INPP4B: variants seen among roughly 807,000 people sequenced by gnomAD.
INPP4B encodes the protein inositol polyphosphate-4-phosphatase type II B.
Under a neutral mutation model 122.5 loss-of-function variants are expected in INPP4B, and 55 were observed. That is an observed-to-expected ratio of 0.45 (90% CI 0.36 to 0.56). The LOEUF is 0.56. Among genes scored for constraint, INPP4B ranks in the 20% least tolerant of loss-of-function variants. The pLI, the probability that INPP4B is intolerant of heterozygous loss-of-function variation, is 0.00. For synonymous variants in INPP4B, 403 were observed against 388.7 expected (o/e 1.04, Z -0.43); for missense variants, 1,000 against 1,097.7 (o/e 0.91, Z 1.26).
chr4:142,845,768 A>T (rs1784113447), intron 1 of INPP4B, among the ~76,000 whole-genome samples: 1 of 152,066 alleles, frequency 6.6e-6, no homozygotes, highest in East Asian at 2.0e-4. Flanking sequence ...GCTTGCGATC[A>T]TCAGGATTGG....
intron 9 of INPP4B, among the ~76,000 whole-genome samples, chr4:142,290,422 G>C (rs967465477): frequency 1.3e-5 from 2 of 151,704 alleles, no homozygotes; most frequent in Admixed American, 6.6e-5. Flanking sequence ...TGGTCAGGCT[G>C]GTCGTGAACT....
Position 142,723,921 on chromosome 4 carries a change from T to C in INPP4B, c.-191+1918A>G, listed in dbSNP as rs142529696. On this transcript the variant is annotated intron_variant, in intron 2 of 25. Transcript: ENST00000262992. ...GGACCAGCCCAGAAAGATAATGACA[T>C]AAACGTCATTTCTCCTGGCCATAGT... Among the ~76,000 whole-genome samples, 22 of 152,188 alleles carry C rather than the reference T, an allele frequency of 1.4e-4. No homozygotes were observed. The East Asian group carries it at 4.1e-3, about 28-fold the overall frequency.
chr4:142,648,562 C>T (rs1277779247), intron 2 of INPP4B, among the ~76,000 whole-genome samples: 1 of 152,198 alleles, frequency 6.6e-6, no homozygotes, highest in African/African-American at 2.4e-5. Flanking sequence ...AAACCTTAAT[C>T]ACTGCCAGTG....
intron 9 of INPP4B, among the ~76,000 whole-genome samples, chr4:142,295,335 C>T (rs1758215065): frequency 6.6e-6 from 1 of 152,066 alleles, no homozygotes; most frequent in East Asian, 1.9e-4. Context: ...CTGTCAATGA[C>T]TGTGGATGGG....
intron 2 of INPP4B, among the ~76,000 whole-genome samples, chr4:142,722,435 C>A (rs4690700): frequency 0.74 from 112,240 of 152,068 alleles, 41,554 homozygotes; most frequent in East Asian, 0.84. Context: ...TGATGGAAGA[C>A]CTTGAACAGT....
chr4:142,278,257 A>G (rs984916434), intron 9 of INPP4B, among the ~76,000 whole-genome samples: 5 of 151,916 alleles, frequency 3.3e-5, no homozygotes, highest in Non-Finnish European at 7.4e-5. Context: ...AATCTTAAAT[A>G]TCATTGAACC....
At chr4:142,444,517 G>A (rs1812487005) in intron 3 of INPP4B, among the ~76,000 whole-genome samples, 1 of 152,040 alleles carries the variant, frequency 6.6e-6, no homozygotes, top group Non-Finnish European at 1.5e-5. Flanking sequence ...ACAGATGCTG[G>A]AGAGGATGAA....
At chr4:142,054,670 C>A (rs1756630056) in intron 25 of INPP4B, among the ~76,000 whole-genome samples, 1 of 151,636 alleles carries the variant, frequency 6.6e-6, no homozygotes, top group South Asian at 2.1e-4. Context: ...TTAATATTTT[C>A]TGATCAATTG....
chr4:142,806,796 A>AAAG (rs1778873214), intron 1 of INPP4B, among the ~76,000 whole-genome samples: 1 of 141,094 alleles, frequency 7.1e-6, no homozygotes, highest in African/African-American at 2.7e-5. Context: ...GGAAAGAAAG[A>AAAG]AAGAAAGAAA....
chr4:142,028,656 G>T lies in INPP4B; in HGVS notation c.*126C>A. 2.1e-6 allele frequency: 2 copies of T among 931,198 alleles called. No individual in the cohort carries two copies. The highest frequency in any genetic ancestry group is 3.2e-6 in the Non-Finnish European group (2 of 620,926). The allele number at this position is 931,198 out of a possible 1,614,324, so 57.7% of individuals were successfully genotyped here. On this transcript the variant is annotated 3_prime_UTR_variant, in exon 26 of 26. Transcript: ENST00000262992. Reference sequence around the variant, plus strand: ...TGAATTGAAGTAGTTCCTAGATTTTGGGAAACATCTGTGATCATCTCCCCC... The same window carrying T: ...TGAATTGAAGTAGTTCCTAGATTTTTGGAAACATCTGTGATCATCTCCCCC...
chr4:142,394,899 C>A (rs1011512946), intron 7 of INPP4B, among the ~76,000 whole-genome samples: 2 of 152,152 alleles, frequency 1.3e-5, no homozygotes, highest in African/African-American at 4.8e-5. Context: ...TGTGACAGAA[C>A]TTTTCCCCCA....
At chr4:142,253,529 T>C (rs892384223) in intron 11 of INPP4B, among the ~76,000 whole-genome samples, 6 of 152,194 alleles carry the variant, frequency 3.9e-5, no homozygotes, top group Non-Finnish European at 8.8e-5. Flanking sequence ...GGGCGAGGCA[T>C]TGCCTCACTC....
At chr4:142,601,562 T>G (rs1009573788) in intron 2 of INPP4B, among the ~76,000 whole-genome samples, 1 of 143,248 alleles carries the variant, frequency 7.0e-6, no homozygotes, top group Non-Finnish European at 1.5e-5. Context: ...GACAAGTTTA[T>G]AGCAATAAAC....
chr4:142,383,988 G>C, intron 7 of INPP4B: 1 of 672,558 alleles, frequency 1.5e-6, no homozygotes, highest in Admixed American at 2.1e-5. Flanking sequence ...AGAAGCTCAT[G>C]TGATGTCTTG....
intron 9 of INPP4B, among the ~76,000 whole-genome samples, chr4:142,298,706 AGAT>A (rs1388715908): frequency 2.0e-5 from 3 of 149,414 alleles, no homozygotes; most frequent in Non-Finnish European, 3.0e-5. Context: ...AAAAAAAAAA[AGAT>A]AATAATAATT....
chr4:142,146,653 C>T (rs1036847344), intron 17 of INPP4B, among the ~76,000 whole-genome samples: 1 of 152,130 alleles, frequency 6.6e-6, no homozygotes, highest in African/African-American at 2.4e-5. Context: ...CCACTTCTAA[C>T]AGAACAGCCC....
chr4:142,816,406 T>A (rs1410896463), intron 1 of INPP4B, among the ~76,000 whole-genome samples: 1 of 152,124 alleles, frequency 6.6e-6, no homozygotes, highest in African/African-American at 2.4e-5. Flanking sequence ...TAGGAAAAGT[T>A]AAGAGTTAGT....
chr4:142,472,140 T>C (rs760370104), intron 2 of INPP4B, among the ~76,000 whole-genome samples: 11 of 152,116 alleles, frequency 7.2e-5, no homozygotes. Flanking sequence ...TTGTTGAACA[T>C]TTCTAGGAAT....
At chr4:142,331,086 C>T (rs967754699) in intron 7 of INPP4B, among the ~76,000 whole-genome samples, 2 of 152,122 alleles carry the variant, frequency 1.3e-5, no homozygotes, top group Non-Finnish European at 2.9e-5. Context: ...AATAAAACCA[C>T]AGGCAAGGAA....
Sources: gnomAD v4.1 joint callset for allele counts (sites outside exome capture counted in the v4.1 genomes callset) on GRCh38, gnomAD v4.1.1 for gene constraint, MANE v1.5 for transcripts, NCBI Gene and HGNC (gene_info 2026-07-23, HGNC 2026-07-21) for gene names.